Variants in PSKH1 observed in about 807,000 individuals in gnomAD.
PSKH1 encodes serine/threonine-protein kinase H1.
PSKH1 carries 12 observed loss-of-function variants against 26.7 expected under a neutral mutation model. The ratio of observed to expected loss-of-function variants is 0.45; its 90% CI spans 0.29 to 0.73. PSKH1 has a LOEUF of 0.73. PSKH1 is among the 30% of genes least tolerant of loss of function. PSKH1 has a pLI of 0.11. For synonymous variants in PSKH1, 213 were observed against 234.3 expected (o/e 0.91, Z 0.83); for missense variants, 431 against 595.2 (o/e 0.72, Z 2.87).
At chr16:67,898,531 G>T in intron 1 of PSKH1, among the ~76,000 whole-genome samples, 1 of 151,914 alleles carries the variant, frequency 6.6e-6, no homozygotes, top group East Asian at 1.9e-4. Context: ...GATTATAGTT[G>T]TGTGCCACTG....
At chr16:67,908,569 A>G (rs2058162994) in intron 1 of PSKH1, 111 bp from the exon 2 acceptor site, 1 of 558,348 alleles carries the variant, frequency 1.8e-6, no homozygotes, top group African/African-American at 1.9e-5. Flanking sequence ...ACGCCTGGCC[A>G]GGAGTTTGGT....
chr16:67,895,442 T>C (rs1363304364), intron 1 of PSKH1, among the ~76,000 whole-genome samples: 8 of 150,422 alleles, frequency 5.3e-5, no homozygotes, highest in Non-Finnish European at 7.4e-5. Context: ...GGAGTCTTGC[T>C]CTGACACCCA....
At chr16:67,908,148 G>T (rs542288778) in intron 1 of PSKH1, among the ~76,000 whole-genome samples, 2 of 152,316 alleles carry the variant, frequency 1.3e-5, no homozygotes, top group Admixed American at 6.5e-5. Context: ...GAGGCCCAGG[G>T]AGATGAGTCA....
At chr16:67,920,765 G>A (rs1393466965) in intron 2 of PSKH1, among the ~76,000 whole-genome samples, 5 of 152,262 alleles carry the variant, frequency 3.3e-5, no homozygotes, top group Admixed American at 2.6e-4. Context: ...GACGTCCCTC[G>A]GTAGATGTGT....
At chr16:67,894,993 G>C (rs1432775382) in intron 1 of PSKH1, among the ~76,000 whole-genome samples, 2 of 139,676 alleles carry the variant, frequency 1.4e-5, no homozygotes, top group African/African-American at 5.4e-5. Flanking sequence ...GCGCGATCTT[G>C]GCTCACTGCA....
chr16:67,904,781 C>T (rs1346924939), intron 1 of PSKH1, among the ~76,000 whole-genome samples: 1 of 151,912 alleles, frequency 6.6e-6, no homozygotes, highest in Non-Finnish European at 1.5e-5. Context: ...ATGGCCACAC[C>T]TGGCCAATGG....
rs781752881 is a variant in PSKH1 at position 67,908,835 on chromosome 16, G to T, written c.86G>T (p.Gly29Val). ...DLVKKVEPFS[G>V]TKSDVYKHFI... is the part of the protein sequence containing the mutation. The stretch of plus-strand genomic sequence containing the variant: ...GTCAAGAAGGTGGAGCCCTTCAGTG[G>T]CACTAAGAGTGACGTGTACAAGCAC... Residue 29 changes from glycine (G) to valine (V), a missense_variant, in exon 2 of 3, where the codon GGC becomes GTC. Coordinates refer to ENST00000291041, the MANE Select transcript of PSKH1 (RefSeq NM_006742.3). The T allele has an allele frequency of 3.1e-6, 5 of 1,613,972 alleles. No individual in the cohort carries two copies. Among genetic ancestry groups the T allele is most frequent in the Non-Finnish European group, 3.4e-6 (4 of 1,179,980 alleles).
At chr16:67,913,924 G>A (rs2058179899) in intron 2 of PSKH1, among the ~76,000 whole-genome samples, 1 of 152,116 alleles carries the variant, frequency 6.6e-6, no homozygotes, top group Non-Finnish European at 1.5e-5. Flanking sequence ...TAGAGAAGAG[G>A]GAACCTGGAA....
At position 67,927,372 on chromosome 16, in the gene PSKH1, G is replaced by A. The variant is rs930356943; in HGVS notation, c.1005G>A (p.Leu335=). The change falls in exon 3 of 3, where the codon CTG becomes CTA. Residue 335 remains leucine (L), a synonymous_variant. Coordinates refer to ENST00000291041, the MANE Select transcript of PSKH1 (RefSeq NM_006742.3). The surrounding 1 kb of genome is among the most constrained non-coding windows in gnomAD (Gnocchi z 5.5). Reference sequence around the variant, plus strand: ...TGGCCAAGGACTTCATTGACCGCCTGCTGACAGTGGACCCTGGAGCCCGTA... The same window carrying A: ...TGGCCAAGGACTTCATTGACCGCCTACTGACAGTGGACCCTGGAGCCCGTA... ...SNLAKDFIDR[L]LTVDPGARMT... is the part of the protein sequence containing the mutation. 45 of 1,613,702 alleles carry A rather than the reference G, an allele frequency of 2.8e-5. No individual in the cohort carries two copies. Among genetic ancestry groups the A allele is most frequent in the Non-Finnish European group, 3.7e-5 (44 of 1,179,738 alleles).
chr16:67,893,487 C>T (rs556777445), intron 1 of PSKH1, 116 bp downstream of exon 1: 1 of 152,450 alleles, frequency 6.6e-6, no homozygotes, highest in East Asian at 1.9e-4. Context: ...CAGCGTCGGC[C>T]CGTGCCCCGT....
At chr16:67,895,525 C>T (rs918318718) in intron 1 of PSKH1, among the ~76,000 whole-genome samples, 2 of 151,976 alleles carry the variant, frequency 1.3e-5, no homozygotes, top group Admixed American at 6.6e-5. Flanking sequence ...TCTCCTGCCT[C>T]AGCCTCCCGA....
chr16:67,899,229 A>G (rs1451410755), intron 1 of PSKH1, among the ~76,000 whole-genome samples: 1 of 152,186 alleles, frequency 6.6e-6, no homozygotes, highest in Non-Finnish European at 1.5e-5. Context: ...AGGGTGTCCA[A>G]AGAGTGTGGC....
intron 2 of PSKH1, among the ~76,000 whole-genome samples, chr16:67,913,169 C>T (rs745461937): frequency 5.9e-5 from 9 of 151,700 alleles, no homozygotes; most frequent in Non-Finnish European, 1.0e-4. Flanking sequence ...TGTGTGAAGA[C>T]GGAGTCTTGC....
At chr16:67,920,429 T>C (rs2058199002) in intron 2 of PSKH1, among the ~76,000 whole-genome samples, 1 of 152,138 alleles carries the variant, frequency 6.6e-6, no homozygotes, top group African/African-American at 2.4e-5. Context: ...ACCGGGCTAA[T>C]TTTTTAGGTT....
chr16:67,903,399 G>A (rs1209785067), intron 1 of PSKH1, among the ~76,000 whole-genome samples: 1 of 151,924 alleles, frequency 6.6e-6, no homozygotes, highest in African/African-American at 2.4e-5. Context: ...TAGTCCTCAC[G>A]CCTTGGCCTC....
chr16:67,901,529 T>TCAC (rs1347330076), intron 1 of PSKH1, among the ~76,000 whole-genome samples: 1 of 151,910 alleles, frequency 6.6e-6, no homozygotes, highest in Non-Finnish European at 1.5e-5. Flanking sequence ...AGACGGGGTT[T>TCAC]CACCGTGTTG....
In PSKH1 at chr16:67,927,628, C is replaced by G; in HGVS notation, c.1261C>G (p.Gln421Glu). ...LRELNLRYQQ[Q>E]YNG ...GGAGCTCAACCTGCGCTACCAGCAG[C>G]AATACAATGGCTGAGCCGCCTGGCT... Residue 421 changes from glutamine to glutamate, a missense_variant, in exon 3 of 3, where the codon CAA becomes GAA. Physicochemically the swap from Gln to Glu is conservative, Grantham distance 29 (BLOSUM62 2). Coordinates refer to ENST00000291041, the MANE Select transcript of PSKH1 (RefSeq NM_006742.3). The surrounding 1 kb of genome is among the most constrained non-coding windows in gnomAD (Gnocchi z 5.5). 1 of 1,605,438 alleles carries G rather than the reference C, an allele frequency of 6.2e-7. No individual in the cohort carries two copies. The highest frequency in any genetic ancestry group is 1.1e-5 in the South Asian group (1 of 91,012).
chr16:67,924,558 C>T (rs907359083), intron 2 of PSKH1, among the ~76,000 whole-genome samples: 4 of 152,236 alleles, frequency 2.6e-5, no homozygotes, highest in African/African-American at 9.6e-5. Flanking sequence ...AGTGGTGAAA[C>T]CTCCAGTCCA....
At chr16:67,926,852 C>T (rs1241245314) in intron 2 of PSKH1, among the ~76,000 whole-genome samples, 1 of 152,080 alleles carries the variant, frequency 6.6e-6, no homozygotes, top group Admixed American at 6.6e-5. Context: ...GGTCTTCTGC[C>T]ACTGCTTCGG....
Sources: gnomAD v4.1 joint callset for allele counts (sites outside exome capture counted in the v4.1 genomes callset) on GRCh38, gnomAD v4.1.1 for gene constraint, Gnocchi (gnomAD v3.1) non-coding constraint, MANE v1.5 for transcripts, NCBI Gene and HGNC (gene_info 2026-07-23, HGNC 2026-07-21) for gene names.